KLHL7: variants seen among roughly 807,000 people sequenced by gnomAD.
KLHL7 encodes kelch like family member 7, also known as kelch-like protein 7.
KLHL7 carries 44 observed loss-of-function variants against 67.4 expected under a neutral mutation model. That is an observed-to-expected ratio of 0.65 (90% confidence interval 0.51 to 0.84). KLHL7 has a LOEUF of 0.84. Ranked by LOEUF, KLHL7 falls within the 40% of genes least tolerant of loss-of-function variation. The pLI is 0.00. For missense variants in KLHL7, 362 were observed against 718.1 expected (o/e 0.50, Z 5.67); for synonymous variants, 252 against 243.3 (o/e 1.04, Z -0.33).
chr7:23,126,290 C>T, intron 4 of KLHL7, among the ~76,000 whole-genome samples: 1 of 152,184 alleles, frequency 6.6e-6, no homozygotes, highest in Non-Finnish European at 1.5e-5. Context: ...CAATTTCAAA[C>T]ATATGAATTG....
At chr7:23,169,240 C>T (rs1785086978) in intron 9 of KLHL7, among the ~76,000 whole-genome samples, 1 of 151,532 alleles carries the variant, frequency 6.6e-6, no homozygotes, top group Non-Finnish European at 1.5e-5. Flanking sequence ...GCCTGGGTGA[C>T]AGAGCAAGAC....
intron 6 of KLHL7, among the ~76,000 whole-genome samples, chr7:23,150,353 G>A (rs967153194): frequency 7.9e-5 from 12 of 151,954 alleles, no homozygotes; most frequent in African/African-American, 2.9e-4. Context: ...TTGAGATTGT[G>A]CATACAGTCA....
At chr7:23,122,385 T>G (rs1304021706) in intron 1 of KLHL7, among the ~76,000 whole-genome samples, 1 of 152,172 alleles carries the variant, frequency 6.6e-6, no homozygotes, top group Admixed American at 6.5e-5. Flanking sequence ...TCCTTTGACC[T>G]CCAAGGCAAC....
chr7:23,137,609 G>A (rs1467982552), intron 4 of KLHL7, among the ~76,000 whole-genome samples: 4 of 151,266 alleles, frequency 2.6e-5, no homozygotes, highest in African/African-American at 9.7e-5. Flanking sequence ...CTCCTGAGTA[G>A]CTGGGATTAC....
chr7:23,144,130 C>A, intron 6 of KLHL7, 105 bp downstream of exon 6: 3 of 985,778 alleles, frequency 3.0e-6, no homozygotes, highest in Non-Finnish European at 4.7e-6. Context: ...GAGAAACATT[C>A]AAGATTTTGC....
intron 4 of KLHL7, chr7:23,129,922 A>T (rs371856065): frequency 6.5e-6 from 1 of 153,164 alleles, no homozygotes; most frequent in Non-Finnish European, 1.5e-5. Context: ...AGAATGGAGC[A>T]TGTATAAATA....
At chr7:23,147,412 C>T (rs549766805) in intron 6 of KLHL7, among the ~76,000 whole-genome samples, 1 of 152,100 alleles carries the variant, frequency 6.6e-6, no homozygotes, top group East Asian at 1.9e-4. Context: ...TTTTTATGGT[C>T]TTTTTTCCTT....
intron 1 of KLHL7, among the ~76,000 whole-genome samples, chr7:23,121,313 T>C (rs894104770): frequency 6.6e-6 from 1 of 152,074 alleles, no homozygotes; most frequent in Non-Finnish European, 1.5e-5. Flanking sequence ...TGCAGATGTC[T>C]CTTTGTTATA....
chr7:23,153,005 A>G (rs1249854334), intron 7 of KLHL7, among the ~76,000 whole-genome samples: 1 of 152,134 alleles, frequency 6.6e-6, no homozygotes, highest in African/African-American at 2.4e-5. Flanking sequence ...GATTTTGCAA[A>G]CCCATTTTTG....
intron 5 of KLHL7, among the ~76,000 whole-genome samples, chr7:23,141,220 G>T (rs1320935288): frequency 4.6e-5 from 7 of 152,216 alleles, no homozygotes; most frequent in Non-Finnish European, 7.3e-5. Flanking sequence ...GAATATACCT[G>T]TGTGGCAGAT....
At chr7:23,125,800 G>T in intron 4 of KLHL7, 1 of 1,545,742 alleles carries the variant, frequency 6.5e-7, no homozygotes, top group Non-Finnish European at 8.7e-7. Flanking sequence ...CCAGAGTGTG[G>T]TATGCTTTTC....
intron 1 of KLHL7, among the ~76,000 whole-genome samples, chr7:23,117,556 C>T (rs181074158): frequency 5.3e-5 from 8 of 152,278 alleles, no homozygotes; most frequent in Admixed American, 2.0e-4. Flanking sequence ...GCATATGTTT[C>T]CCTTAAGGAA....
At chr7:23,142,215 G>A (rs951508920) in intron 5 of KLHL7, among the ~76,000 whole-genome samples, 2 of 152,158 alleles carry the variant, frequency 1.3e-5, no homozygotes, top group East Asian at 1.9e-4. Context: ...TTAATATGCA[G>A]ACTCACTTAA....
chr7:23,131,190 A>G (rs1449918099), intron 4 of KLHL7, among the ~76,000 whole-genome samples: 1 of 152,168 alleles, frequency 6.6e-6, no homozygotes. Flanking sequence ...TGAGAGGTGG[A>G]GATAAAACTC....
intron 6 of KLHL7, among the ~76,000 whole-genome samples, chr7:23,150,703 T>C (rs2128466571): frequency 6.6e-6 from 1 of 152,316 alleles, no homozygotes; most frequent in Admixed American, 6.5e-5. Context: ...ACCCTTCCCA[T>C]GGTTATACCC....
At chr7:23,159,244 G>T (rs1784790595) in intron 7 of KLHL7, among the ~76,000 whole-genome samples, 1 of 152,070 alleles carries the variant, frequency 6.6e-6, no homozygotes, top group Admixed American at 6.5e-5. Context: ...AATCACTGCA[G>T]CCTTAACCTC....
chr7:23,148,181 A>G (rs1003461453), intron 6 of KLHL7, among the ~76,000 whole-genome samples: 7 of 152,308 alleles, frequency 4.6e-5, no homozygotes, highest in African/African-American at 1.2e-4. Flanking sequence ...ATACAATGCA[A>G]TGTTCTATAG....
Position 23,121,901 on chromosome 7 carries a change from C to T in KLHL7, c.121-1876C>T, listed in dbSNP as rs994146741. ...ATTTCACTGTGTTAGCCAGGATGGT[C>T]TCAATCTGCTGACCTTGTGATCCGC... On this transcript the variant is annotated intron_variant, in intron 1 of 10. Transcript: ENST00000339077. Among the ~76,000 whole-genome samples the T allele has an allele frequency of 2.6e-5, 4 of 152,044 alleles. No individual in the cohort carries two copies. In the East Asian group the frequency reaches 7.7e-4, roughly 29 times the overall value.
chr7:23,145,303 T>G (rs890026246), intron 6 of KLHL7, among the ~76,000 whole-genome samples: 2 of 152,106 alleles, frequency 1.3e-5, no homozygotes, highest in African/African-American at 4.8e-5. Flanking sequence ...TCAACCCTTT[T>G]ATTTCAGCTA....
Sources: allele counts gnomAD v4.1 joint callset (sites outside exome capture counted in the v4.1 genomes callset), GRCh38; gene constraint gnomAD v4.1.1; transcripts MANE v1.5; gene names NCBI Gene and HGNC (gene_info 2026-07-23, HGNC 2026-07-21).